The following SMG6 variants were observed in gnomAD, a reference collection of about 807,000 sequenced individuals.
SMG6 encodes telomerase-binding protein EST1A.
Under a neutral mutation model 142.2 loss-of-function variants are expected in SMG6, and 66 were observed. That is an observed-to-expected ratio of 0.46 (90% CI 0.38 to 0.57). The LOEUF is 0.57. SMG6 is among the 20% of genes least tolerant of loss of function. The pLI is 0.00. For missense variants in SMG6, 1,793 were observed against 1,832.0 expected, an observed-to-expected ratio of 0.98 and a Z score of 0.39; for synonymous variants, 779 against 702.4, an observed-to-expected ratio of 1.11 and a Z score of -1.72.
chr17:2,062,497 A>G (rs2067812036), intron 18 of SMG6: 1 of 137,856 alleles, frequency 7.3e-6, no homozygotes, highest in Non-Finnish European at 1.6e-5. Flanking sequence ...TTCTTTTTAG[A>G]TGACTTTTTT....
intron 10 of SMG6, among the ~76,000 whole-genome samples, chr17:2,225,256 T>A (rs1159104593): frequency 4.0e-5 from 6 of 149,326 alleles, no homozygotes; most frequent in African/African-American, 1.5e-4. Flanking sequence ...GGTGGGGAGA[T>A]CACTTGAGGT....
chr17:2,137,122 C>G (rs1233900495), intron 13 of SMG6, among the ~76,000 whole-genome samples: 1 of 152,050 alleles, frequency 6.6e-6, no homozygotes, highest in East Asian at 1.9e-4. Context: ...AGCGCAGATC[C>G]CGCCGCTGCA....
chr17:2,070,497 C>T (rs1225534350), intron 15 of SMG6, among the ~76,000 whole-genome samples: 1 of 152,198 alleles, frequency 6.6e-6, no homozygotes, highest in Non-Finnish European at 1.5e-5. Flanking sequence ...GCGTGCCAAC[C>T]GAGATGGGGC....
chr17:2,175,173 T>C (rs976513425), intron 12 of SMG6, among the ~76,000 whole-genome samples: 1 of 152,154 alleles, frequency 6.6e-6, no homozygotes, highest in Non-Finnish European at 1.5e-5. Context: ...CTGGTGAGCT[T>C]TGGCCAACAG....
At chr17:2,172,502 C>A (rs1468992978) in intron 13 of SMG6, among the ~76,000 whole-genome samples, 156 bp downstream of exon 13, 2 of 151,882 alleles carry the variant, frequency 1.3e-5, no homozygotes, top group African/African-American at 2.4e-5. Flanking sequence ...GGACACAGAG[C>A]TGGATGTCAG....
intron 13 of SMG6, among the ~76,000 whole-genome samples, chr17:2,115,794 GT>G (rs1379153666): frequency 3.9e-5 from 6 of 152,152 alleles, no homozygotes; most frequent in Non-Finnish European, 5.9e-5. Flanking sequence ...CATGATCATA[GT>G]TTACTGTAGC....
chr17:2,228,362 G>A (rs2073375483), intron 10 of SMG6, among the ~76,000 whole-genome samples: 1 of 152,124 alleles, frequency 6.6e-6, no homozygotes. Context: ...CTCAGTAGCT[G>A]GGATTACAGG....
chr17:2,175,408 G>A (rs2071627697), intron 12 of SMG6, among the ~76,000 whole-genome samples: 1 of 151,986 alleles, frequency 6.6e-6, no homozygotes, highest in Non-Finnish European at 1.5e-5. Context: ...CTGCCACAGT[G>A]GGAGGCCCCA....
intron 10 of SMG6, among the ~76,000 whole-genome samples, chr17:2,203,650 C>A (rs1255519864): frequency 6.6e-6 from 1 of 152,122 alleles, no homozygotes; most frequent in East Asian, 1.9e-4. Context: ...AAGAGGCTTC[C>A]TAAGAGGCAT....
chr17:2,199,622 T>C (rs1252929394), intron 10 of SMG6: 1 of 151,878 alleles, frequency 6.6e-6, no homozygotes, highest in Non-Finnish European at 1.5e-5. Flanking sequence ...AATATTTTTG[T>C]AGGCCAGGCA....
At position 2,152,094 on chromosome 17, in the gene SMG6, A is replaced by G. The variant is rs536179913; in HGVS notation, c.3357+20564T>C. Among the ~76,000 whole-genome samples, 4 of 152,330 alleles carry G rather than the reference A, an allele frequency of 2.6e-5. No individual in the cohort carries two copies. The South Asian group carries it at 8.3e-4, about 32-fold the overall frequency. ...CGGGTATTCTGTTGGAGTCGGCCTG[A>G]GCCGGAGAGGCCTTGATGAATTTGG... On this transcript the variant is annotated intron_variant, in intron 13 of 18. Transcript: ENST00000263073.
intron 18 of SMG6, among the ~76,000 whole-genome samples, chr17:2,064,036 A>G (rs533557265): frequency 2.4e-4 from 37 of 152,182 alleles, no homozygotes; most frequent in Admixed American, 5.2e-4. Flanking sequence ...GCCCCTAGTA[A>G]AGAGACTCAT....
chr17:2,280,351 C>A (rs1232147684), intron 8 of SMG6, among the ~76,000 whole-genome samples: 1 of 152,116 alleles, frequency 6.6e-6, no homozygotes, highest in Non-Finnish European at 1.5e-5. Context: ...CAACCTCCGC[C>A]TCCCGGGTTC....
intron 6 of SMG6, among the ~76,000 whole-genome samples, chr17:2,289,102 T>C (rs1171118978): frequency 7.7e-6 from 1 of 130,618 alleles, no homozygotes; most frequent in Non-Finnish European, 1.6e-5. Flanking sequence ...AAAAAAAAAT[T>C]AGCCAGCTGT....
intron 4 of SMG6, among the ~76,000 whole-genome samples, chr17:2,296,461 C>A (rs542193279): frequency 6.6e-6 from 1 of 152,164 alleles, no homozygotes; most frequent in Non-Finnish European, 1.5e-5. Flanking sequence ...GGGTCCCCAG[C>A]CCCCAGGCCG....
chr17:2,283,188 A>G (rs890750737), intron 7 of SMG6, among the ~76,000 whole-genome samples: 2 of 152,158 alleles, frequency 1.3e-5, no homozygotes, highest in African/African-American at 4.8e-5. Flanking sequence ...AAAAACACAC[A>G]TGAGCTCAGA....
intron 13 of SMG6, among the ~76,000 whole-genome samples, chr17:2,124,284 CAAT>C (rs2069799102): frequency 6.6e-6 from 1 of 152,138 alleles, no homozygotes; most frequent in Non-Finnish European, 1.5e-5. Context: ...AAAGGGGTGA[CAAT>C]AAGGGTGGGG....
intron 13 of SMG6, among the ~76,000 whole-genome samples, chr17:2,143,575 A>C (rs1158421651): frequency 6.6e-6 from 1 of 152,200 alleles, no homozygotes; most frequent in Non-Finnish European, 1.5e-5. Context: ...GGGGCTAGGA[A>C]GAAGGGAAAA....
intron 8 of SMG6, among the ~76,000 whole-genome samples, chr17:2,271,370 TG>T (rs2074539563): frequency 6.7e-6 from 1 of 149,676 alleles, no homozygotes; most frequent in African/African-American, 2.4e-5. Context: ...GGATTACAGG[TG>T]TGAGCCACCA....
Sources: gnomAD v4.1 joint callset for allele counts (sites outside exome capture counted in the v4.1 genomes callset) on GRCh38, gnomAD v4.1.1 for gene constraint, MANE v1.5 for transcripts, NCBI Gene and HGNC (gene_info 2026-07-23, HGNC 2026-07-21) for gene names.